SLC6A16: variants seen among roughly 807,000 people sequenced by gnomAD.
The protein encoded by SLC6A16 is orphan sodium- and chloride-dependent neurotransmitter transporter NTT5.
Under a neutral mutation model 65.4 loss-of-function variants are expected in SLC6A16, and 54 were observed. The observed-to-expected ratio is 0.83, with a 90% CI of 0.66 to 1.04. SLC6A16 has a LOEUF of 1.04. SLC6A16 is among the 50% of genes least tolerant of loss of function. The pLI, the probability that SLC6A16 is intolerant of heterozygous loss-of-function variation, is 0.00. For missense variants in SLC6A16, 816 were observed against 914.0 expected, an observed-to-expected ratio of 0.89 and a Z score of 1.38; for synonymous variants, 330 against 346.5, an observed-to-expected ratio of 0.95 and a Z score of 0.53.
At chr19:49,304,296 C>T (rs1280113418) in intron 7 of SLC6A16, among the ~76,000 whole-genome samples, 1 of 152,192 alleles carries the variant, frequency 6.6e-6, no homozygotes, top group African/African-American at 2.4e-5. Flanking sequence ...ACTACAAAAA[C>T]TATAACCACG....
In SLC6A16 at chr19:49,319,157, G is replaced by GA. The variant is rs911870014; in HGVS notation, c.-65+5890dup. ...GAAACAATCCAAAATGAAGCACAAA[G>GA]AAAAAAAAAAGACTGAAAACAATTA... On this transcript the variant is annotated intron_variant, in intron 1 of 11. Transcript: ENST00000335875. Among the ~76,000 whole-genome samples, 43 of 144,550 alleles carry GA rather than the reference G, an allele frequency of 3.0e-4. 1 individual carries two copies. The highest frequency in any genetic ancestry group is 1.2e-3 in the Admixed American group (18 of 14,472). 94.8% of individuals were successfully genotyped at this position (144,550 alleles called of 152,430 possible). A position where few individuals can be genotyped will look rare whatever the true frequency, so the allele number is the denominator to read the frequency against.
At chr19:49,337,368 G>A in the SLC6A16 span, 16 of 819,890 alleles carry the variant, frequency 2.0e-5, no homozygotes, top group South Asian at 1.9e-4. Flanking sequence ...GGTGGCTCAC[G>A]CCTGTAATCC....
At chr19:49,328,771 C>T (rs1970821869), upstream of SLC6A16, among the ~76,000 whole-genome samples, 1 of 152,198 alleles carries the variant, frequency 6.6e-6, no homozygotes, top group Non-Finnish European at 1.5e-5. Flanking sequence ...AGGACTAGGT[C>T]ATAAAAAGCA....
At chr19:49,316,708 G>A (rs1970617632) in intron 1 of SLC6A16, among the ~76,000 whole-genome samples, 1 of 151,976 alleles carries the variant, frequency 6.6e-6, no homozygotes, top group Non-Finnish European at 1.5e-5. Flanking sequence ...GCCAAATTGA[G>A]CAATACAAGA....
chr19:49,319,157 GA>G lies in SLC6A16; in HGVS notation c.-65+5890del, dbSNP rs911870014. ...GAAACAATCCAAAATGAAGCACAAA[GA>G]AAAAAAAAAGACTGAAAACAATTAC... On this transcript the variant is annotated intron_variant, in intron 1 of 11. Transcript: ENST00000335875. Among the ~76,000 whole-genome samples the G allele has an allele frequency of 2.6e-4, 37 of 144,540 alleles. No homozygotes were observed. The East Asian group carries it at 4.8e-3, about 19-fold the overall frequency. The allele number at this position is 144,540 out of a possible 152,430, so 94.8% of individuals were successfully genotyped here.
chr19:49,308,723 C>T lies in SLC6A16; in HGVS notation c.1229+153G>A, dbSNP rs893015224. On this transcript the variant is annotated intron_variant, in intron 7 of 11. Transcript: ENST00000335875. ...AATATATGATAGGAGATTCTATTGT[C>T]TCCATTTTTAGCTATGGGGAAGGTA... is the stretch of plus-strand genomic sequence containing the variant. The T allele has an allele frequency of 1.5e-5, 12 of 802,658 alleles. No homozygotes were observed. The South Asian group carries it at 2.0e-4, about 13-fold the overall frequency. The allele number at this position is 802,658 out of a possible 1,614,324, so 49.7% of individuals were successfully genotyped here. A position where few individuals can be genotyped will look rare whatever the true frequency, so the allele number is the denominator to read the frequency against.
chr19:49,293,749 G>T, intron 9 of SLC6A16, 78 bp downstream of exon 9: 2 of 1,306,088 alleles, frequency 1.5e-6, no homozygotes, highest in Non-Finnish European at 1.1e-6. Context: ...GGGCTACAGG[G>T]ACCCTGTCCC....
At chr19:49,339,601 T>G in the SLC6A16 span, 1 of 1,441,580 alleles carries the variant, frequency 6.9e-7, no homozygotes, top group African/African-American at 1.4e-5. The surrounding 1 kb of genome is among the most constrained non-coding windows in gnomAD (Gnocchi z 4.5). Context: ...CCTGATTGGG[T>G]GTACGCAGGG....
Position 49,309,354 on chromosome 19 carries a change from T to C in SLC6A16, c.934A>G (p.Thr312Ala). The stretch of plus-strand genomic sequence containing the variant: ...AATTTTGCCCCTTCCAGGAGTAGAG[T>C]CCGGATGAAGAAACCGACAATGATG... ...CFIIVGFFIR[T>A]LLLEGAKFGL... Residue 312 changes from threonine to alanine, a missense_variant, in exon 6 of 12, where the codon ACT (threonine) becomes GCT (alanine). Coordinates refer to ENST00000335875, the MANE Select transcript of SLC6A16 (RefSeq NM_014037.3). 6.2e-7 allele frequency: 1 copy of C among 1,613,598 alleles called. No individual in the cohort carries two copies. The highest frequency in any genetic ancestry group is 2.2e-5 in the East Asian group (1 of 44,864).
chr19:49,294,781 T>G (rs1031823215), intron 7 of SLC6A16, among the ~76,000 whole-genome samples: 1 of 152,164 alleles, frequency 6.6e-6, no homozygotes, highest in Non-Finnish European at 1.5e-5. Flanking sequence ...AAGCATTTTC[T>G]ACAGTCTTCT....
At chr19:49,338,816 C>G in the SLC6A16 span, 11 of 1,614,040 alleles carry the variant, frequency 6.8e-6, no homozygotes, top group Middle Eastern at 1.6e-4. This position sits in a 1 kb window ranked among gnomAD's most constrained non-coding sequence, Gnocchi z 5.0. Flanking sequence ...CGGCGACCAA[C>G]GACTCCACAA....
chr19:49,328,764 A>G (rs1970821787), upstream of SLC6A16, among the ~76,000 whole-genome samples: 1 of 152,250 alleles, frequency 6.6e-6, no homozygotes, highest in Non-Finnish European at 1.5e-5. Context: ...GAACTTCAGG[A>G]CTAGGTCATA....
chr19:49,304,569 C>A (rs1275510922), intron 7 of SLC6A16, among the ~76,000 whole-genome samples: 2 of 152,114 alleles, frequency 1.3e-5, no homozygotes, highest in Non-Finnish European at 2.9e-5. Flanking sequence ...AGTTCGAGAC[C>A]AGCCTGACCA....
At chr19:49,319,792 A>G (rs1032097238) in intron 1 of SLC6A16, among the ~76,000 whole-genome samples, 1 of 152,162 alleles carries the variant, frequency 6.6e-6, no homozygotes, top group African/African-American at 2.4e-5. Context: ...GACATTTTCC[A>G]GGAGAGACCA....
At chr19:49,318,335 A>G (rs1970649515) in intron 1 of SLC6A16, among the ~76,000 whole-genome samples, 1 of 152,188 alleles carries the variant, frequency 6.6e-6, no homozygotes, top group East Asian at 1.9e-4. Context: ...CTCTAGTTCT[A>G]GTAGTAGGAC....
intron 8 of SLC6A16, 57 bp from the exon 9 acceptor site, chr19:49,294,085 A>G: frequency 7.0e-7 from 1 of 1,436,700 alleles, no homozygotes. Context: ...TAACAAAAAA[A>G]TATAGACAAG....
chr19:49,294,206 A>C (rs906623208), intron 8 of SLC6A16, among the ~76,000 whole-genome samples, 161 bp downstream of exon 8: 10 of 152,194 alleles, frequency 6.6e-5, no homozygotes, highest in African/African-American at 2.2e-4. Context: ...AGCATTATCC[A>C]TGGAAGGCCA....
chr19:49,308,190 C>T (rs1473560513), intron 7 of SLC6A16, among the ~76,000 whole-genome samples: 2 of 152,000 alleles, frequency 1.3e-5, no homozygotes, highest in East Asian at 1.9e-4. Context: ...CGGTGGCTCA[C>T]GCCTGTAATC....
At chr19:49,336,683 A>C in the SLC6A16 span, 6 of 506,782 alleles carry the variant, frequency 1.2e-5, no homozygotes, top group East Asian at 3.4e-5. Flanking sequence ...TGAAGGAGGA[A>C]GGAGAGGGTA....
Sources: gnomAD v4.1 joint callset for allele counts (sites outside exome capture counted in the v4.1 genomes callset) on GRCh38, gnomAD v4.1.1 for gene constraint, Gnocchi (gnomAD v3.1) non-coding constraint, MANE v1.5 for transcripts, NCBI Gene and HGNC (gene_info 2026-07-23, HGNC 2026-07-21) for gene names.